Variants in GPD2 observed in about 807,000 individuals in gnomAD.
GPD2 encodes the protein glycerol-3-phosphate dehydrogenase, mitochondrial.
Under a neutral mutation model 82.4 loss-of-function variants are expected in GPD2, and 54 were observed. The ratio of observed to expected loss-of-function variants is 0.66; its 90% CI spans 0.53 to 0.82. The LOEUF (loss-of-function observed/expected upper bound fraction) is 0.82, where lower values mean the gene tolerates loss of function less well. Ranked by LOEUF, GPD2 falls within the 40% of genes least tolerant of loss-of-function variation. GPD2 has a pLI of 0.00. For synonymous variants in GPD2, 288 were observed against 306.1 expected (o/e 0.94, Z 0.62); for missense variants, 748 against 896.2 (o/e 0.83, Z 2.11).
chr2:156,437,199 G>A (rs184219069), intron 1 of GPD2, among the ~76,000 whole-genome samples: 12 of 152,334 alleles, frequency 7.9e-5, no homozygotes, highest in Non-Finnish European at 1.5e-5. Context: ...AAATATCATA[G>A]GAGGCAGCTA....
intron 13 of GPD2, among the ~76,000 whole-genome samples, chr2:156,574,829 A>C (rs1428872210): frequency 1.3e-5 from 2 of 152,202 alleles, no homozygotes; most frequent in Non-Finnish European, 2.9e-5. Flanking sequence ...TTAAAAGTTG[A>C]AGAAAAAAAC....
At chr2:156,455,011 G>A (rs1682740670) in intron 1 of GPD2, among the ~76,000 whole-genome samples, 1 of 152,074 alleles carries the variant, frequency 6.6e-6, no homozygotes, top group Admixed American at 6.5e-5. Flanking sequence ...CATGATGGTG[G>A]TGTAACCCTG....
At chr2:156,529,714 G>C (rs1209004285) in intron 6 of GPD2, among the ~76,000 whole-genome samples, 2 of 150,792 alleles carry the variant, frequency 1.3e-5, no homozygotes, top group Non-Finnish European at 3.0e-5. Flanking sequence ...CCCATTGCTT[G>C]TTTTTCTCAG....
At chr2:156,519,239 A>G (rs1474858578) in intron 6 of GPD2, among the ~76,000 whole-genome samples, 2 of 152,016 alleles carry the variant, frequency 1.3e-5, no homozygotes, top group East Asian at 3.8e-4. Flanking sequence ...ATTTGTCATT[A>G]TTTTATTTCT....
chr2:156,555,716 A>G (rs566891705), intron 8 of GPD2, among the ~76,000 whole-genome samples: 54 of 152,146 alleles, frequency 3.5e-4, no homozygotes, highest in Non-Finnish European at 6.9e-4. Context: ...AAGAAAAAAT[A>G]ATCATATTTA....
intron 3 of GPD2, 34 bp downstream of exon 3, chr2:156,496,249 T>G (rs1161344822): frequency 1.4e-6 from 2 of 1,474,916 alleles, no homozygotes; most frequent in Non-Finnish European, 1.9e-6. Context: ...TAATTTTAAG[T>G]TCTGGGGTAC....
chr2:156,416,995 C>T, the GPD2 span, among the ~76,000 whole-genome samples: 4 of 152,048 alleles, frequency 2.6e-5, no homozygotes, highest in Non-Finnish European at 5.9e-5. Context: ...AAAACCTCAC[C>T]TTGGCTTTAC....
chr2:156,458,238 T>C (rs1573888789), intron 1 of GPD2, among the ~76,000 whole-genome samples: 1 of 152,318 alleles, frequency 6.6e-6, no homozygotes, highest in Admixed American at 6.5e-5. Context: ...TCTGTGGACT[T>C]CCTTTAGGGC....
chr2:156,443,827 A>G (rs1434670295), intron 1 of GPD2, among the ~76,000 whole-genome samples: 3 of 152,190 alleles, frequency 2.0e-5, no homozygotes, highest in Non-Finnish European at 4.4e-5. Flanking sequence ...TTACCCACCT[A>G]ATCCAATCTC....
At chr2:156,559,392 A>C (rs1687086927) in intron 9 of GPD2, among the ~76,000 whole-genome samples, 1 of 152,196 alleles carries the variant, frequency 6.6e-6, no homozygotes, top group Non-Finnish European at 1.5e-5. Flanking sequence ...TAAAGTATAC[A>C]AGTTTACGAT....
chr2:156,457,450 C>T (rs1682825709), intron 1 of GPD2, among the ~76,000 whole-genome samples: 1 of 152,218 alleles, frequency 6.6e-6, no homozygotes, highest in Admixed American at 6.5e-5. Context: ...AACAGGTAAT[C>T]TGTGACCCAG....
chr2:156,405,072 A>T, the GPD2 span, among the ~76,000 whole-genome samples: 3 of 152,116 alleles, frequency 2.0e-5, no homozygotes, highest in Non-Finnish European at 4.4e-5. Context: ...AAATAGAGAA[A>T]TCCATTCAAG....
chr2:156,487,093 G>C (rs1348786070), intron 2 of GPD2, among the ~76,000 whole-genome samples: 1 of 152,124 alleles, frequency 6.6e-6, no homozygotes, highest in African/African-American at 2.4e-5. Flanking sequence ...ATCACCTGCG[G>C]TCAGGAGCTT....
chr2:156,558,423 A>C (rs1687041648), intron 9 of GPD2, among the ~76,000 whole-genome samples: 2 of 152,130 alleles, frequency 1.3e-5, no homozygotes, highest in Admixed American at 1.3e-4. Flanking sequence ...TGGCCCCACA[A>C]TGGCCTCTTT....
chr2:156,564,974 G>C (rs573642222), intron 9 of GPD2, among the ~76,000 whole-genome samples: 1 of 152,100 alleles, frequency 6.6e-6, no homozygotes, highest in African/African-American at 2.4e-5. Flanking sequence ...TATCAATATA[G>C]ATAATGTTTT....
chr2:156,420,787 T>C, the GPD2 span, among the ~76,000 whole-genome samples: 3 of 152,204 alleles, frequency 2.0e-5, no homozygotes, highest in African/African-American at 7.2e-5. Context: ...CTCATTTTTT[T>C]CTCATTACAT....
chr2:156,562,263 A>G (rs778563001), intron 9 of GPD2, among the ~76,000 whole-genome samples: 2 of 152,196 alleles, frequency 1.3e-5, no homozygotes, highest in African/African-American at 2.4e-5. Flanking sequence ...CTGTTATTCA[A>G]TTAACAACTG....
intron 2 of GPD2, among the ~76,000 whole-genome samples, chr2:156,489,718 TCCTTCCTCCCTC>T: frequency 3.5e-5 from 1 of 28,830 alleles, no homozygotes; most frequent in African/African-American, 1.4e-4. Context: ...CTTCCTTCCT[TCCTTCCTCCCTC>T]CCTCCCTCCC....
At chr2:156,549,876 C>T (rs1054308922) in intron 7 of GPD2, 104 bp downstream of exon 7, 4 of 856,776 alleles carry the variant, frequency 4.7e-6, no homozygotes, top group African/African-American at 1.7e-5. Context: ...TTATGCCACG[C>T]TTCAGAGTCA....
Sources: gnomAD v4.1 joint callset for allele counts (sites outside exome capture counted in the v4.1 genomes callset) on GRCh38, gnomAD v4.1.1 for gene constraint, MANE v1.5 for transcripts, NCBI Gene and HGNC (gene_info 2026-07-23, HGNC 2026-07-21) for gene names.